VPS13B: variants seen among roughly 807,000 people sequenced by gnomAD.
VPS13B encodes the protein vacuolar protein sorting 13 homolog B, also known as intermembrane lipid transfer protein VPS13B.
Under a neutral mutation model 426.4 loss-of-function variants are expected in VPS13B, and 285 were observed. The observed-to-expected ratio is 0.67, with a 90% CI of 0.61 to 0.74. VPS13B has a LOEUF of 0.74. Among genes scored for constraint, VPS13B ranks in the 30% least tolerant of loss-of-function variants. The pLI is 0.00. For missense variants in VPS13B, 4,537 were observed against 4,782.6 expected, an observed-to-expected ratio of 0.95 and a Z score of 1.51; for synonymous variants, 1,676 against 1,676.4, an observed-to-expected ratio of 1.00 and a Z score of 0.01.
intron 3 of VPS13B, among the ~76,000 whole-genome samples, chr8:99,065,117 A>C (rs866854901): frequency 6.6e-6 from 1 of 152,218 alleles, no homozygotes; most frequent in African/African-American, 2.4e-5. Flanking sequence ...AGCAATAAAC[A>C]TGGAAAGGAA....
At chr8:99,287,193 G>T (rs1819485013) in intron 19 of VPS13B, among the ~76,000 whole-genome samples, 1 of 151,790 alleles carries the variant, frequency 6.6e-6, no homozygotes, top group South Asian at 2.1e-4. Context: ...GTTGCTTTAG[G>T]TATTAAGGAG....
intron 3 of VPS13B, among the ~76,000 whole-genome samples, chr8:99,071,766 C>G (rs1483180139): frequency 2.0e-5 from 3 of 152,180 alleles, no homozygotes; most frequent in Non-Finnish European, 4.4e-5. Flanking sequence ...TCTACTGCAG[C>G]TGAGCTGGCA....
At chr8:99,122,847 T>A (rs1048762609) in intron 8 of VPS13B, among the ~76,000 whole-genome samples, 3 of 152,034 alleles carry the variant, frequency 2.0e-5, no homozygotes, top group Admixed American at 2.0e-4. Context: ...ACGTGGTGGC[T>A]CACGCCTGTA....
At chr8:99,550,898 C>G (rs1204897261) in intron 30 of VPS13B, among the ~76,000 whole-genome samples, 2 of 151,966 alleles carry the variant, frequency 1.3e-5, no homozygotes, top group Non-Finnish European at 2.9e-5. Context: ...TCAGAGGATA[C>G]AGTCTATATG....
chr8:99,638,914 T>C (rs190310837), intron 33 of VPS13B, among the ~76,000 whole-genome samples: 1 of 152,202 alleles, frequency 6.6e-6, no homozygotes, highest in African/African-American at 2.4e-5. Context: ...CTCTTCAGTG[T>C]GCTAGGCACT....
intron 26 of VPS13B, 50 bp downstream of exon 26, chr8:99,501,908 C>G (rs765162936): frequency 3.6e-6 from 5 of 1,402,864 alleles, no homozygotes; most frequent in Middle Eastern, 2.4e-4. Flanking sequence ...CCCTCCCTCC[C>G]TCCCTCCCTC....
Position 99,469,765 on chromosome 8 carries a change from A to T in VPS13B, c.3666+2131A>T, listed in dbSNP as rs1819302582. Among the ~76,000 whole-genome samples the T allele has an allele frequency of 2.0e-5, 3 of 152,200 alleles. No homozygotes were observed. The South Asian group carries it at 6.2e-4, about 31-fold the overall frequency. ...CCTTATTTGGTTATAGGTTTGTAAC[A>T]GAAGTAAGTTAAAATGAAGTCATTA... On this transcript the variant is annotated intron_variant, in intron 24 of 61. Coordinates refer to ENST00000357162, the MANE Select transcript of VPS13B (RefSeq NM_152564.5).
intron 39 of VPS13B, among the ~76,000 whole-genome samples, chr8:99,732,662 A>G (rs1301190240): frequency 1.3e-5 from 2 of 152,210 alleles, no homozygotes; most frequent in African/African-American, 4.8e-5. Flanking sequence ...CCTGATTGTG[A>G]GCTTCTTTGT....
At chr8:99,280,390 A>G (rs747174526) in intron 19 of VPS13B, among the ~76,000 whole-genome samples, 26 of 152,158 alleles carry the variant, frequency 1.7e-4, no homozygotes, top group Non-Finnish European at 2.1e-4. Flanking sequence ...TTAAGACGGT[A>G]TATATTTATA....
chr8:99,653,902 T>C (rs1407749985), intron 34 of VPS13B, among the ~76,000 whole-genome samples: 1 of 152,080 alleles, frequency 6.6e-6, no homozygotes, highest in Non-Finnish European at 1.5e-5. Context: ...GCATGTGAAA[T>C]ACTGCTTATA....
intron 40 of VPS13B, among the ~76,000 whole-genome samples, chr8:99,775,299 G>A (rs1054756084): frequency 2.0e-5 from 3 of 152,148 alleles, no homozygotes; most frequent in Non-Finnish European, 2.9e-5. Flanking sequence ...TACTGTAAAT[G>A]ACATTGCTTG....
At chr8:99,819,100 C>G (rs1814216755) in intron 47 of VPS13B, among the ~76,000 whole-genome samples, 1 of 152,060 alleles carries the variant, frequency 6.6e-6, no homozygotes, top group Admixed American at 6.6e-5. Context: ...AGATAAAAAT[C>G]AGCCTTTCTC....
At chr8:99,816,108 CTT>C (rs35101856) in intron 44 of VPS13B, among the ~76,000 whole-genome samples, 8 of 141,946 alleles carry the variant, frequency 5.6e-5, no homozygotes, top group East Asian at 2.0e-4. Flanking sequence ...CTCTCTCTCT[CTT>C]TTTTTTTTTT....
At chr8:99,828,463 C>T (rs938188365) in intron 51 of VPS13B, among the ~76,000 whole-genome samples, 1 of 96,518 alleles carries the variant, frequency 1.0e-5, no homozygotes, top group Non-Finnish European at 1.9e-5. Context: ...AAATATTCCT[C>T]CATCTCTTTA....
intron 21 of VPS13B, among the ~76,000 whole-genome samples, chr8:99,402,911 T>C (rs1588335792): frequency 6.6e-6 from 1 of 152,226 alleles, no homozygotes; most frequent in Admixed American, 6.5e-5. Context: ...TACTAACCAA[T>C]TGCCTGGTAT....
At chr8:99,725,861 G>A (rs1421367392) in intron 39 of VPS13B, among the ~76,000 whole-genome samples, 1 of 152,142 alleles carries the variant, frequency 6.6e-6, no homozygotes, top group Non-Finnish European at 1.5e-5. Context: ...AGTCTGCCAA[G>A]CTTACCTGCT....
intron 24 of VPS13B, among the ~76,000 whole-genome samples, chr8:99,481,232 A>G (rs903796602): frequency 1.3e-5 from 2 of 152,232 alleles, no homozygotes; most frequent in African/African-American, 2.4e-5. Flanking sequence ...TAGTTATTTC[A>G]TATTATGCTA....
intron 3 of VPS13B, among the ~76,000 whole-genome samples, chr8:99,049,148 T>A (rs1177678524): frequency 6.6e-6 from 1 of 152,204 alleles, no homozygotes; most frequent in African/African-American, 2.4e-5. Flanking sequence ...TTTAGGCCAT[T>A]TACATTCAAC....
chr8:99,815,965 G>A (rs1005656934), intron 44 of VPS13B, among the ~76,000 whole-genome samples: 2 of 152,128 alleles, frequency 1.3e-5, no homozygotes, highest in African/African-American at 4.8e-5. Context: ...CCAAGTAGCT[G>A]TGACTACAGG....
Sources: gnomAD v4.1 joint callset for allele counts (sites outside exome capture counted in the v4.1 genomes callset) on GRCh38, gnomAD v4.1.1 for gene constraint, MANE v1.5 for transcripts, NCBI Gene and HGNC (gene_info 2026-07-23, HGNC 2026-07-21) for gene names.